The following CEP55 variants were observed in gnomAD, a reference collection of about 807,000 sequenced individuals.
The protein encoded by CEP55 is centrosomal protein of 55 kDa.
In CEP55, 57 loss-of-function variants were observed where a neutral mutation model predicts 63.2. The ratio of observed to expected loss-of-function variants is 0.90; its 90% CI spans 0.73 to 1.13. CEP55 has a LOEUF of 1.13. Ranked by LOEUF, CEP55 falls within the 50% of genes most tolerant of loss-of-function variation. The pLI, the probability that CEP55 is intolerant of heterozygous loss-of-function variation, is 0.00. For missense variants in CEP55, 456 were observed against 518.9 expected, an observed-to-expected ratio of 0.88 and a Z score of 1.18; for synonymous variants, 178 against 191.6, an observed-to-expected ratio of 0.93 and a Z score of 0.59.
chr10:93,518,853 A>T, intron 6 of CEP55, 24 bp from the exon 7 acceptor site: 1 of 1,558,238 alleles, frequency 6.4e-7, no homozygotes, highest in Non-Finnish European at 8.8e-7. Flanking sequence ...ATGTGACAGC[A>T]TTGGTTCTCT....
Position 93,516,982 on chromosome 10 carries a change from A to G in CEP55, c.727A>G (p.Ser243Gly), listed in dbSNP as rs763895866. 15 of 1,602,004 alleles carry G rather than the reference A, an allele frequency of 9.4e-6. No individual in the cohort carries two copies. Among genetic ancestry groups the G allele is most frequent in the Non-Finnish European group, 1.3e-5 (15 of 1,171,468 alleles). Residue 243 changes from serine (S) to glycine (G), a missense_variant, in exon 6 of 9, where the codon AGT becomes GGT. Ser to Gly is a moderately conservative substitution (Grantham distance 56). Transcript: ENST00000371485. ...KQKCYNDLLA[S>G]AKKDLEVERQ... ...GAAATGTTACAACGATCTCTTGGCA[A>G]GTGCAAAAAAAGATCTTGAGGTTGA...
chr10:93,503,848 A>G (rs1383141010), intron 3 of CEP55, among the ~76,000 whole-genome samples: 1 of 152,206 alleles, frequency 6.6e-6, no homozygotes, highest in Non-Finnish European at 1.5e-5. Flanking sequence ...ATACAGAAAT[A>G]GACATGTGAG....
intron 8 of CEP55, chr10:93,520,049 A>G (rs2057843239): frequency 1.9e-6 from 1 of 519,610 alleles, no homozygotes; most frequent in Admixed American, 3.2e-5. Context: ...TGCTGGAGGC[A>G]CTAAATAGTG....
At chr10:93,502,282 G>A (rs1010143803) in intron 2 of CEP55, among the ~76,000 whole-genome samples, 1 of 152,144 alleles carries the variant, frequency 6.6e-6, no homozygotes, top group Non-Finnish European at 1.5e-5. Context: ...GCCTAAAATT[G>A]TATGGCTCTG....
Position 93,512,598 on chromosome 10 carries a change from C to G in CEP55, c.529-2807C>G, listed in dbSNP as rs1423541824. Among the ~76,000 whole-genome samples the G allele has an allele frequency of 2.6e-5, 4 of 151,078 alleles. No homozygotes were observed. The South Asian group carries it at 8.4e-4, about 32-fold the overall frequency. The stretch of plus-strand genomic sequence containing the variant: ...TATTAAAATACTACTTAAATGTGGA[C>G]AAATGTAAAATTTAGTATAAAATTA... On this transcript the variant is annotated intron_variant, in intron 4 of 8. Transcript: ENST00000371485.
rs1008176969 is a variant in CEP55 at position 93,503,355 on chromosome 10, T to G, written c.426T>G (p.Leu142=). Residue 142 remains leucine (L), a synonymous_variant, in exon 3 of 9, where the codon CTT becomes CTG. Transcript: ENST00000371485. ...CTGCAACCTCACGAATTGCTGAACT[T>G]GAAAGCAAAACCAATACACTCCGTT... ...LSAATSRIAE[L]ESKTNTLRLS... is the part of the protein sequence containing the mutation. 1.4e-5 allele frequency: 22 copies of G among 1,614,034 alleles called. No homozygotes were observed. The highest frequency in any genetic ancestry group is 2.7e-5 in the African/African-American group (2 of 74,938).
At position 93,506,578 on chromosome 10, in the gene CEP55, C is replaced by CT. The variant is rs1451605556; in HGVS notation, c.460-403dup. Among the ~76,000 whole-genome samples, 10 of 152,058 alleles carry CT rather than the reference C, an allele frequency of 6.6e-5. No homozygotes were observed. The East Asian group carries it at 1.9e-3, about 29-fold the overall frequency. On this transcript the variant is annotated intron_variant, in intron 3 of 8. Transcript: ENST00000371485. ...CTACTAGATCTGGATTTTTTGTTTTCTTTTTTTGAGACAGAGTCTCACTCT... is the reference window on the plus strand; with the variant it reads ...CTACTAGATCTGGATTTTTTGTTTTCTTTTTTTTGAGACAGAGTCTCACTCT...
intron 2 of CEP55, among the ~76,000 whole-genome samples, chr10:93,502,847 G>A (rs1403753741): frequency 6.6e-6 from 1 of 152,212 alleles, no homozygotes; most frequent in Non-Finnish European, 1.5e-5. Context: ...ACCCTTGATA[G>A]AGGTGGTTTC....
At chr10:93,522,667 A>G (rs2057876847) in intron 8 of CEP55, among the ~76,000 whole-genome samples, 1 of 152,224 alleles carries the variant, frequency 6.6e-6, no homozygotes, top group South Asian at 2.1e-4. Context: ...GAAGGAAAAA[A>G]TGTTAAGGGC....
At chr10:93,508,799 G>C (rs1320283883) in intron 4 of CEP55, among the ~76,000 whole-genome samples, 1 of 152,142 alleles carries the variant, frequency 6.6e-6, no homozygotes, top group Non-Finnish European at 1.5e-5. Context: ...GGGGCTGCCT[G>C]ACCACTTTGT....
chr10:93,516,889 T>C (rs199645864), intron 5 of CEP55, 46 bp from the exon 6 acceptor site: 4 of 1,291,256 alleles, frequency 3.1e-6, no homozygotes, highest in East Asian at 2.4e-5. Context: ...TCAGGAATAT[T>C]ATTTATTTTA....
intron 4 of CEP55, among the ~76,000 whole-genome samples, chr10:93,509,069 G>C (rs1348377500): frequency 6.6e-6 from 1 of 152,018 alleles, no homozygotes; most frequent in Non-Finnish European, 1.5e-5. Context: ...TTCTAGAAAA[G>C]TACCTGAAAA....
chr10:93,522,335 CAAT>C lies in CEP55; in HGVS notation c.1191+2529_1191+2531del, dbSNP rs1159533730. On this transcript the variant is annotated intron_variant, in intron 8 of 8. Coordinates refer to ENST00000371485, the MANE Select transcript of CEP55 (RefSeq NM_018131.5). ...TTTGATCAACTGGAAGAATGAGTATCAATGATGGAAGATCAAATGAATGAAATG... is the reference window on the plus strand; with the variant it reads ...TTTGATCAACTGGAAGAATGAGTATCGATGGAAGATCAAATGAATGAAATG... Among the ~76,000 whole-genome samples, 5 of 152,054 alleles carry C rather than the reference CAAT, an allele frequency of 3.3e-5. No individual in the cohort carries two copies. In the East Asian group the frequency reaches 7.7e-4, roughly 23 times the overall value.
intron 8 of CEP55, among the ~76,000 whole-genome samples, chr10:93,522,162 C>G (rs1215325240): frequency 6.6e-6 from 1 of 152,108 alleles, no homozygotes; most frequent in African/African-American, 2.4e-5. Flanking sequence ...AAGTTCGAAC[C>G]CGTGGCAAAG....
At position 93,515,547 on chromosome 10, in the gene CEP55, A is replaced by T. The variant is rs992624871; in HGVS notation, c.671A>T (p.Glu224Val). Reference protein sequence around the residue: ...HSLPQQTKKPESEGYLQEEKQ... With the variant: ...HSLPQQTKKPVSEGYLQEEKQ... ...CTCCCACAGCAGACAAAAAAGCCTG[A>T]ATCAGAAGGTACTGACTGGTATAAA... The change falls in exon 5 of 9, where the codon GAA becomes GTA. Residue 224 changes from glutamate (E) to valine (V), a missense_variant. Physicochemically the swap from Glu to Val is moderately radical, Grantham distance 121. Transcript: ENST00000371485. The T allele has an allele frequency of 9.3e-6, 15 of 1,612,902 alleles. No homozygotes were observed. Among genetic ancestry groups the T allele is most frequent in the Admixed American group, 3.3e-5 (2 of 59,954 alleles).
intron 8 of CEP55, among the ~76,000 whole-genome samples, chr10:93,524,920 G>C (rs1359013461): frequency 3.3e-5 from 5 of 151,932 alleles, no homozygotes; most frequent in African/African-American, 4.8e-5. Flanking sequence ...CAATAAATTA[G>C]GTATTGATGG....
chr10:93,513,941 C>T (rs1324455322), intron 4 of CEP55, among the ~76,000 whole-genome samples: 2 of 149,984 alleles, frequency 1.3e-5, no homozygotes, highest in Non-Finnish European at 3.0e-5. Flanking sequence ...TGCAAAGCCT[C>T]CCCCTCCCCT....
At chr10:93,509,901 A>G (rs1490141686) in intron 4 of CEP55, among the ~76,000 whole-genome samples, 1 of 152,238 alleles carries the variant, frequency 6.6e-6, no homozygotes, top group Non-Finnish European at 1.5e-5. Flanking sequence ...GAACATGGAA[A>G]GAGACATCTC....
At chr10:93,527,893 A>AG in intron 8 of CEP55, 57 bp from the exon 9 acceptor site, 2 of 1,498,946 alleles carry the variant, frequency 1.3e-6, no homozygotes, top group South Asian at 2.4e-5. Flanking sequence ...AAAGAAAAAA[A>AG]AAAAGCTGAA....
Sources: allele counts gnomAD v4.1 joint callset (sites outside exome capture counted in the v4.1 genomes callset), GRCh38; gene constraint gnomAD v4.1.1; transcripts MANE v1.5; gene names NCBI Gene and HGNC (gene_info 2026-07-23, HGNC 2026-07-21).